Variants in CALN1 observed in about 807,000 individuals in gnomAD.
The protein encoded by CALN1 is calneuron 1, also known as calcium-binding protein 8.
In CALN1, 17 loss-of-function variants were observed where a neutral mutation model predicts 30.6. That is an observed-to-expected ratio of 0.56 (90% CI 0.38 to 0.83). The LOEUF (loss-of-function observed/expected upper bound fraction) is 0.83. CALN1 is among the 40% of genes least tolerant of loss of function. CALN1 has a pLI of 0.00. For synonymous variants in CALN1, 156 were observed against 131.4 expected (o/e 1.19, Z -1.28); for missense variants, 291 against 354.9 (o/e 0.82, Z 1.45).
At chr7:72,147,906 C>G (rs1013768255) in intron 3 of CALN1, among the ~76,000 whole-genome samples, 17 of 135,934 alleles carry the variant, frequency 1.3e-4, no homozygotes, top group Non-Finnish European at 1.4e-4. Flanking sequence ...ATTGACAACA[C>G]TTGGACACAG....
At chr7:72,213,520 G>A (rs961914778) in intron 3 of CALN1, among the ~76,000 whole-genome samples, 1 of 152,178 alleles carries the variant, frequency 6.6e-6, no homozygotes, top group Non-Finnish European at 1.5e-5. Context: ...GGATTTCGGT[G>A]AGGGATGCGC....
chr7:72,067,081 G>A (rs975857706), intron 4 of CALN1, among the ~76,000 whole-genome samples: 1 of 151,874 alleles, frequency 6.6e-6, no homozygotes, highest in Non-Finnish European at 1.5e-5. Flanking sequence ...GAGCCACCAC[G>A]CCCAGCTGGA....
intron 3 of CALN1, among the ~76,000 whole-genome samples, chr7:72,272,734 G>A (rs957420557): frequency 6.6e-6 from 1 of 152,074 alleles, no homozygotes; most frequent in Non-Finnish European, 1.5e-5. Flanking sequence ...ACAATACATT[G>A]ACAGTAAATC....
At chr7:72,217,977 G>T (rs1164279545) in intron 3 of CALN1, among the ~76,000 whole-genome samples, 1 of 150,810 alleles carries the variant, frequency 6.6e-6, no homozygotes, top group Non-Finnish European at 1.5e-5. Context: ...CGAGTAGCTG[G>T]GACTACAGGT....
Position 71,861,405 on chromosome 7 carries a change from T to C in CALN1, c.502-50913A>G, listed in dbSNP as rs143579872. ...TCTTTTTTAATCCCTTCTGGTGTTA[T>C]TTAATAGCATCAGGGGAAACTCAGA... On this transcript the variant is annotated intron_variant, in intron 5 of 6. Coordinates refer to ENST00000395275, the MANE Select transcript of CALN1 (RefSeq NM_031468.4). 1.3e-4 allele frequency among the ~76,000 whole-genome samples: 20 copies of C among 152,234 alleles called. No homozygotes were observed. In the East Asian group the frequency reaches 3.5e-3, roughly 26 times the overall value.
At chr7:71,995,228 G>A (rs1351952797) in intron 5 of CALN1, among the ~76,000 whole-genome samples, 3 of 152,160 alleles carry the variant, frequency 2.0e-5, no homozygotes, top group South Asian at 2.1e-4. Context: ...TACTGTACAC[G>A]TGATGAAGAG....
intron 3 of CALN1, among the ~76,000 whole-genome samples, chr7:72,121,126 T>C (rs1055657037): frequency 2.0e-5 from 3 of 146,570 alleles, no homozygotes; most frequent in African/African-American, 7.4e-5. Context: ...ATATCTATTA[T>C]AATTTATATA....
chr7:71,934,876 G>A (rs576889769), intron 5 of CALN1, among the ~76,000 whole-genome samples: 1 of 152,298 alleles, frequency 6.6e-6, no homozygotes, highest in Admixed American at 6.5e-5. Context: ...AGAAGAGAGA[G>A]AACTTGTGCA....
At chr7:72,229,358 G>A (rs1793920716) in intron 3 of CALN1, among the ~76,000 whole-genome samples, 1 of 152,072 alleles carries the variant, frequency 6.6e-6, no homozygotes, top group Non-Finnish European at 1.5e-5. Flanking sequence ...GGTGGCTCAT[G>A]CCTGTAATCC....
intron 2 of CALN1, among the ~76,000 whole-genome samples, chr7:72,390,248 G>A (rs770045202): frequency 2.6e-5 from 4 of 151,938 alleles, no homozygotes; most frequent in Non-Finnish European, 5.9e-5. Flanking sequence ...GGCCAACGTC[G>A]TGAAACACCA....
intron 2 of CALN1, among the ~76,000 whole-genome samples, chr7:72,289,473 G>A (rs2129554763): frequency 6.6e-6 from 1 of 152,276 alleles, no homozygotes; most frequent in South Asian, 2.1e-4. Flanking sequence ...TGATATACTG[G>A]TAAATGTTTA....
chr7:72,320,601 G>A (rs376684697), intron 2 of CALN1, among the ~76,000 whole-genome samples: 42 of 152,196 alleles, frequency 2.8e-4, no homozygotes, highest in African/African-American at 9.6e-4. Context: ...TTGGGAGGCC[G>A]CGGTGGTCGG....
chr7:71,935,915 C>A (rs1462163867), intron 5 of CALN1, among the ~76,000 whole-genome samples: 1 of 152,166 alleles, frequency 6.6e-6, no homozygotes, highest in Non-Finnish European at 1.5e-5. Flanking sequence ...TTGCTTTTAG[C>A]TAAAGCTTTT....
At chr7:72,484,283 G>A in the CALN1 span, among the ~76,000 whole-genome samples, 9 of 151,158 alleles carry the variant, frequency 6.0e-5, no homozygotes, top group Admixed American at 5.9e-4. Context: ...TTTTTTTCTG[G>A]GACACAACTA....
At chr7:71,963,248 C>T (rs907682830) in intron 5 of CALN1, among the ~76,000 whole-genome samples, 9 of 152,192 alleles carry the variant, frequency 5.9e-5, no homozygotes, top group Middle Eastern at 3.4e-3. Context: ...CTGCAACCTC[C>T]GACTCCCTGG....
chr7:71,841,611 T>G (rs1276765221), intron 5 of CALN1, among the ~76,000 whole-genome samples: 1 of 152,184 alleles, frequency 6.6e-6, no homozygotes, highest in Non-Finnish European at 1.5e-5. Flanking sequence ...CTAGGTGCCC[T>G]AGATGGTGGA....
chr7:71,894,443 T>C (rs1156518462), intron 5 of CALN1, among the ~76,000 whole-genome samples: 2 of 152,204 alleles, frequency 1.3e-5, no homozygotes, highest in Non-Finnish European at 2.9e-5. Flanking sequence ...TTTTAAATTT[T>C]TTTTGTAGAG....
At chr7:72,025,287 G>A (rs911525954) in intron 4 of CALN1, among the ~76,000 whole-genome samples, 2 of 152,016 alleles carry the variant, frequency 1.3e-5, no homozygotes, top group African/African-American at 4.8e-5. Context: ...TCCAGCCTGG[G>A]CAATAAGAGC....
rs1052576527 is a variant in CALN1 at position 72,412,217 on chromosome 7, A to T, written c.-233T>A. The stretch of plus-strand genomic sequence containing the variant: ...TGCGGTCTTGCTGACTTCAAGAACG[A>T]AGACGCAGACCGCGGCCGTGAGCTT... On this transcript the variant is annotated 5_prime_UTR_variant, in exon 1 of 7. Transcript: ENST00000395275. The T allele has an allele frequency of 1.3e-5, 2 of 152,398 alleles. No homozygotes were observed. Among genetic ancestry groups the T allele is most frequent in the East Asian group, 1.9e-4 (1 of 5,192 alleles). 9.4% of individuals were successfully genotyped at this position (152,398 alleles called of 1,614,324 possible). A position where few individuals can be genotyped will look rare whatever the true frequency, so the allele number is the denominator to read the frequency against.
Sources: allele counts gnomAD v4.1 joint callset (sites outside exome capture counted in the v4.1 genomes callset), GRCh38; gene constraint gnomAD v4.1.1; transcripts MANE v1.5; gene names NCBI Gene and HGNC (gene_info 2026-07-23, HGNC 2026-07-21).